Variants in ABI3BP observed in about 807,000 individuals in gnomAD.
ABI3BP encodes ABI family member 3 binding protein.
ABI3BP carries 216 observed loss-of-function variants against 268.6 expected under a neutral mutation model. The ratio of observed to expected loss-of-function variants is 0.80; its 90% CI spans 0.72 to 0.90. The LOEUF is 0.90. Among genes scored for constraint, ABI3BP ranks in the 40% least tolerant of loss-of-function variants. The pLI is 0.00. For synonymous variants in ABI3BP, 730 were observed against 730.0 expected, an observed-to-expected ratio of 1.00 and a Z score of 0.00; for missense variants, 2,090 against 2,182.4, an observed-to-expected ratio of 0.96 and a Z score of 0.84.
intron 6 of ABI3BP, among the ~76,000 whole-genome samples, chr3:100,879,558 C>T (rs901724130): frequency 2.6e-5 from 4 of 152,074 alleles, no homozygotes; most frequent in African/African-American, 7.2e-5. Flanking sequence ...TCAAACAAAC[C>T]ATTTTTTGAC....
intron 6 of ABI3BP, 105 bp from the exon 7 acceptor site, chr3:100,876,665 G>A (rs1326688528): frequency 1.0e-6 from 1 of 995,474 alleles, no homozygotes. Flanking sequence ...CTTCAATGAA[G>A]TCTCCTGTGA....
At position 100,852,845 on chromosome 3, in the gene ABI3BP, A is replaced by G. The variant is rs1386206361; in HGVS notation, c.1286-905T>C. ...ATGGGGATAATTTTCATGTTCACAT[A>G]AGAGTTGAACCTGCAAGCAAAAACA... is the stretch of plus-strand genomic sequence containing the variant. On this transcript the variant is annotated intron_variant, in intron 14 of 67. Transcript: ENST00000471714. 1.3e-5 allele frequency among the ~76,000 whole-genome samples: 2 copies of G among 152,216 alleles called. 1 individual carries two copies. Among genetic ancestry groups the G allele is most frequent in the East Asian group, 3.8e-4 (2 of 5,200 alleles).
At chr3:100,796,591 T>C (rs1483593922) in intron 51 of ABI3BP, 123 bp from the exon 52 acceptor site, 2 of 613,722 alleles carry the variant, frequency 3.3e-6, no homozygotes, top group Non-Finnish European at 5.2e-6. Flanking sequence ...CAATGGTTAA[T>C]GACCAAAGTT....
intron 35 of ABI3BP, among the ~76,000 whole-genome samples, chr3:100,825,282 C>T (rs73135566): frequency 0.14 from 21,390 of 151,984 alleles, 1,950 homozygotes; most frequent in South Asian, 0.27. Flanking sequence ...AGGCTTATAA[C>T]TTAAGATTTC....
intron 23 of ABI3BP, 125 bp downstream of exon 23, chr3:100,839,947 G>C: frequency 1.4e-6 from 1 of 728,544 alleles, no homozygotes; most frequent in Admixed American, 2.4e-5. Flanking sequence ...ACTGAGTACA[G>C]ATGCTCAGTT....
chr3:100,763,727 A>G (rs1413998548), intron 63 of ABI3BP, among the ~76,000 whole-genome samples: 2 of 152,232 alleles, frequency 1.3e-5, no homozygotes, highest in Non-Finnish European at 2.9e-5. Flanking sequence ...CTGTGATTAC[A>G]GAATAAAATG....
chr3:100,943,262 G>A (rs182326877), intron 1 of ABI3BP, among the ~76,000 whole-genome samples: 9 of 151,868 alleles, frequency 5.9e-5, no homozygotes, highest in East Asian at 3.9e-4. Flanking sequence ...GTACATTTCC[G>A]TCTCTCCATC....
intron 45 of ABI3BP, among the ~76,000 whole-genome samples, 186 bp from the exon 46 acceptor site, chr3:100,812,709 A>G (rs2152507307): frequency 6.6e-6 from 1 of 151,792 alleles, no homozygotes; most frequent in African/African-American, 2.4e-5. Context: ...ACCATTAACA[A>G]CCTACTTTGT....
intron 9 of ABI3BP, 81 bp downstream of exon 9, chr3:100,874,760 C>A: frequency 1.2e-6 from 1 of 846,256 alleles, no homozygotes. Context: ...AGCTCATTAG[C>A]AAGATTCTTT....
intron 1 of ABI3BP, among the ~76,000 whole-genome samples, chr3:100,991,277 C>T (rs2092868505): frequency 6.6e-6 from 1 of 150,580 alleles, no homozygotes; most frequent in South Asian, 2.1e-4. Flanking sequence ...GAAGGAAGAA[C>T]AAAAGTAAAA....
At chr3:100,920,834 C>A (rs2060004672) in intron 2 of ABI3BP, among the ~76,000 whole-genome samples, 1 of 152,228 alleles carries the variant, frequency 6.6e-6, no homozygotes, top group South Asian at 2.1e-4. Flanking sequence ...TACTTACCCA[C>A]AACTATTCCA....
intron 41 of ABI3BP, among the ~76,000 whole-genome samples, chr3:100,817,926 C>A (rs1399617841): frequency 6.6e-6 from 1 of 152,060 alleles, no homozygotes; most frequent in Non-Finnish European, 1.5e-5. Context: ...TAAAGAACAC[C>A]ATGTAATTAA....
At chr3:100,913,043 T>G (rs1308584971) in intron 2 of ABI3BP, among the ~76,000 whole-genome samples, 5 of 152,102 alleles carry the variant, frequency 3.3e-5, no homozygotes, top group African/African-American at 1.2e-4. Flanking sequence ...AGCTGGAATG[T>G]AAAAAGAGTA....
At chr3:100,915,629 G>A (rs2058358232) in intron 2 of ABI3BP, among the ~76,000 whole-genome samples, 1 of 152,214 alleles carries the variant, frequency 6.6e-6, no homozygotes, top group African/African-American at 2.4e-5. Context: ...CTCTGCGCCT[G>A]CTCTGTTGTC....
At chr3:100,909,835 T>C (rs1184779570) in intron 2 of ABI3BP, among the ~76,000 whole-genome samples, 1 of 152,178 alleles carries the variant, frequency 6.6e-6, no homozygotes, top group Non-Finnish European at 1.5e-5. Flanking sequence ...GTAAATTAGT[T>C]CAACCACTGT....
chr3:100,838,109 T>G, intron 26 of ABI3BP, 101 bp downstream of exon 26: 1 of 1,307,058 alleles, frequency 7.7e-7, no homozygotes, highest in Non-Finnish European at 1.1e-6. Context: ...ATTATGGTAT[T>G]TGGATTTCTA....
intron 57 of ABI3BP, among the ~76,000 whole-genome samples, chr3:100,785,723 T>C (rs2097018809): frequency 6.6e-6 from 1 of 152,202 alleles, no homozygotes; most frequent in Admixed American, 6.5e-5. Context: ...TCTAGTCTAT[T>C]GCCTTAACCA....
chr3:100,843,817 C>T, intron 20 of ABI3BP: 1 of 985,168 alleles, frequency 1.0e-6, no homozygotes, highest in Non-Finnish European at 1.2e-6. Context: ...GATTGTAATT[C>T]ATGTTTTTGA....
rs912226438 is a variant in ABI3BP, at chr3:100,829,603, G to A, written c.2520C>T (p.Pro840=). 38 of 1,535,442 alleles carry A rather than the reference G, an allele frequency of 2.5e-5. No individual in the cohort carries two copies. In the East Asian group the frequency reaches 5.1e-4, roughly 21 times the overall value. Residue 840 remains proline, a synonymous_variant, in exon 33 of 68, where the codon CCC becomes CCT. Coordinates refer to ENST00000471714, the MANE Select transcript of ABI3BP (RefSeq NM_001375547.2). ...TACCCAGTTCAGTCTGAAGCTCTTC[G>A]GGACTCAGTGTGGTTTTAGGTTTGG... is the stretch of plus-strand genomic sequence containing the variant. ...PHPKPKTTLS[P]EELQTELVPA...
Sources: gnomAD v4.1 joint callset for allele counts (sites outside exome capture counted in the v4.1 genomes callset) on GRCh38, gnomAD v4.1.1 for gene constraint, MANE v1.5 for transcripts, NCBI Gene and HGNC (gene_info 2026-07-23, HGNC 2026-07-21) for gene names.